Variants in ECHDC3 observed in about 807,000 individuals in gnomAD.
ECHDC3 encodes enoyl-CoA hydratase domain containing 3, also known as enoyl-CoA hydratase domain-containing protein 3, mitochondrial.
A neutral mutation model predicts 17.9 loss-of-function variants in ECHDC3; 20 were observed. That is an observed-to-expected ratio of 1.12 (90% confidence interval 0.79 to 1.63). The LOEUF (loss-of-function observed/expected upper bound fraction) is 1.63, where lower values mean the gene tolerates loss of function less well. ECHDC3 is among the 40% of genes most tolerant of loss of function. The pLI, the probability that ECHDC3 is intolerant of heterozygous loss-of-function variation, is 0.00. For synonymous variants in ECHDC3, 177 were observed against 149.7 expected, an observed-to-expected ratio of 1.18 and a Z score of -1.33; for missense variants, 407 against 357.7, an observed-to-expected ratio of 1.14 and a Z score of -1.11.
chr10:11,743,274 C>T (rs147891563), intron 1 of ECHDC3, among the ~76,000 whole-genome samples: 99 of 152,322 alleles, frequency 6.5e-4, no homozygotes, highest in African/African-American at 2.1e-3. Flanking sequence ...CTTGCCTGGC[C>T]GGGGCAAGGG....
chr10:11,752,712 G>A (rs12779551), intron 3 of ECHDC3, among the ~76,000 whole-genome samples: 140,458 of 152,212 alleles, frequency 0.92, 65,921 homozygotes, highest in East Asian at 1. Flanking sequence ...TATAACTGTC[G>A]TGTTCTATAA....
rs1037684226 is a variant in ECHDC3, at chr10:11,749,627, C to G, written c.390+35C>G. The G allele has an allele frequency of 5.0e-6, 8 of 1,593,676 alleles. No individual in the cohort carries two copies. In the Admixed American group the frequency reaches 8.4e-5, roughly 17 times the overall value. The stretch of plus-strand genomic sequence containing the variant: ...GACGACAGTCGACAGTGCAAACCTG[C>G]AAATGATCATTACATTAAATGTTGA... On this transcript the variant is annotated intron_variant, in intron 3 of 4. Transcript: ENST00000379215.
intron 2 of ECHDC3, among the ~76,000 whole-genome samples, 172 bp downstream of exon 2, chr10:11,747,642 T>A (rs74612214): frequency 0.022 from 3,396 of 152,302 alleles, 145 homozygotes; most frequent in African/African-American, 0.077. Context: ...CCTAACGCTA[T>A]TAACTGCAGA....
chr10:11,762,122 C>T (rs780624004), intron 4 of ECHDC3, among the ~76,000 whole-genome samples: 1 of 151,080 alleles, frequency 6.6e-6, no homozygotes, highest in Non-Finnish European at 1.5e-5. Context: ...AAAGGACATA[C>T]ACTATAAACA....
chr10:11,761,091 C>T (rs1408373746), intron 4 of ECHDC3, among the ~76,000 whole-genome samples: 1 of 151,528 alleles, frequency 6.6e-6, no homozygotes, highest in Non-Finnish European at 1.5e-5. Context: ...TGCATGTGGG[C>T]TCCATCTCCA....
chr10:11,749,677 G>A, intron 3 of ECHDC3, 85 bp downstream of exon 3: 2 of 1,219,384 alleles, frequency 1.6e-6, no homozygotes, highest in Non-Finnish European at 2.3e-6. Flanking sequence ...TTACAGATAA[G>A]ATTTTATCCA....
At chr10:11,752,931 T>C (rs570027793) in intron 3 of ECHDC3, among the ~76,000 whole-genome samples, 2 of 152,366 alleles carry the variant, frequency 1.3e-5, no homozygotes, top group South Asian at 4.1e-4. Context: ...TCGATGTAGT[T>C]TAGTTTCCAC....
At chr10:11,751,497 A>C (rs1832822551) in intron 3 of ECHDC3, among the ~76,000 whole-genome samples, 1 of 152,256 alleles carries the variant, frequency 6.6e-6, no homozygotes, top group African/African-American at 2.4e-5. Flanking sequence ...TGAAATCAAC[A>C]GCAGATTGGA....
intron 1 of ECHDC3, 32 bp downstream of exon 1, chr10:11,742,778 T>A (rs1029959411): frequency 5.1e-5 from 63 of 1,224,194 alleles, no homozygotes; most frequent in Non-Finnish European, 4.2e-5. Context: ...CTCCTCGCGT[T>A]GGTGCCGAGT....
At chr10:11,755,706 C>T (rs561796209) in intron 4 of ECHDC3, 98 bp downstream of exon 4, 2 of 1,197,720 alleles carry the variant, frequency 1.7e-6, no homozygotes, top group East Asian at 5.2e-5. Context: ...TTAAAAGTGC[C>T]TTTCATATCA....
rs1188701139 is a variant in ECHDC3, at chr10:11,742,409, C to T, written c.-168C>T. ...AGTACGGACTGGGCCTGGCCTGGGG[C>T]GTCCCCGCGAAGCCTGGGCCTGTCA... On this transcript the variant is annotated 5_prime_UTR_variant, in exon 1 of 5. Transcript: ENST00000379215. 6.2e-6 allele frequency: 3 copies of T among 484,616 alleles called. No individual in the cohort carries two copies. Among genetic ancestry groups the T allele is most frequent in the African/African-American group, 5.0e-5 (2 of 39,942 alleles). The allele number at this position is 484,616 out of a possible 1,614,324, so 30.0% of individuals were successfully genotyped here.
At chr10:11,761,486 C>T (rs376799887) in intron 4 of ECHDC3, among the ~76,000 whole-genome samples, 8 of 152,348 alleles carry the variant, frequency 5.3e-5, no homozygotes, top group African/African-American at 1.4e-4. Flanking sequence ...GGCAACAGGC[C>T]ACCCACAGTA....
intron 2 of ECHDC3, 43 bp downstream of exon 2, chr10:11,747,513 A>C: frequency 1.2e-6 from 2 of 1,600,852 alleles, no homozygotes; most frequent in Non-Finnish European, 1.7e-6. Context: ...CAGTGCCCAC[A>C]AGAGCTTTCT....
rs1294915434 is a variant in ECHDC3, at chr10:11,763,372, TG to T, written c.742del (p.Val248CysfsTer93). On this transcript the variant is annotated frameshift_variant, in exon 5 of 5. Coordinates refer to ENST00000379215, the MANE Select transcript of ECHDC3 (RefSeq NM_024693.5). LOFTEE classifies it high-confidence loss of function. The surrounding 1 kb of genome is among the most constrained non-coding windows in gnomAD (Gnocchi z 4.9). ...AAGATCGCATCGCTGAGCCGTCCGG[TG>T]GTGTCCCTGGGCAAAGCCACCTTCT... ...ARKIASLSRP[V>X]VSLGKATFYK... The T allele has an allele frequency of 3.3e-5, 26 of 779,240 alleles. No homozygotes were observed. Among genetic ancestry groups the T allele is most frequent in the Non-Finnish European group, 5.7e-5 (24 of 418,994 alleles). 48.3% of individuals were successfully genotyped at this position (779,240 alleles called of 1,614,324 possible). A position where few individuals can be genotyped will look rare whatever the true frequency, so the allele number is the denominator to read the frequency against.
At chr10:11,752,511 A>G (rs893066537) in intron 3 of ECHDC3, among the ~76,000 whole-genome samples, 1 of 152,050 alleles carries the variant, frequency 6.6e-6, no homozygotes, top group Non-Finnish European at 1.5e-5. Context: ...TACCATAATC[A>G]TACCACCCAG....
chr10:11,761,881 G>A (rs754129017), intron 4 of ECHDC3, among the ~76,000 whole-genome samples: 1 of 152,144 alleles, frequency 6.6e-6, no homozygotes, highest in Non-Finnish European at 1.5e-5. Context: ...TATTTGATAA[G>A]TTGCTTGCTA....
intron 4 of ECHDC3, 66 bp downstream of exon 4, chr10:11,755,674 G>C (rs1832879309): frequency 6.9e-7 from 1 of 1,444,136 alleles, no homozygotes; most frequent in African/African-American, 1.4e-5. Context: ...TCCAGTGCAT[G>C]CGATGATTCA....
At chr10:11,759,418 T>A (rs1386658401) in intron 4 of ECHDC3, among the ~76,000 whole-genome samples, 2 of 151,286 alleles carry the variant, frequency 1.3e-5, no homozygotes, top group East Asian at 1.9e-4. Context: ...ACCCCCTTTT[T>A]CTCCATGTGA....
intron 4 of ECHDC3, among the ~76,000 whole-genome samples, chr10:11,756,091 A>G (rs955817381): frequency 2.0e-5 from 3 of 152,184 alleles, no homozygotes; most frequent in Non-Finnish European, 4.4e-5. Flanking sequence ...GAACGGATTT[A>G]GAATAGGTGA....
Sources: allele counts gnomAD v4.1 joint callset (sites outside exome capture counted in the v4.1 genomes callset), GRCh38; gene constraint gnomAD v4.1.1; non-coding constraint Gnocchi (gnomAD v3.1); transcripts MANE v1.5; gene names NCBI Gene and HGNC (gene_info 2026-07-23, HGNC 2026-07-21).